Variants in COL5A3 observed in about 807,000 individuals in gnomAD.
The protein encoded by COL5A3 is collagen type V alpha 3 chain, also known as collagen alpha-3(V) chain.
COL5A3 carries 172 observed loss-of-function variants against 250.0 expected under a neutral mutation model. The observed-to-expected ratio is 0.69, with a 90% CI of 0.61 to 0.78. The LOEUF (loss-of-function observed/expected upper bound fraction) is 0.78. Ranked by LOEUF, COL5A3 falls within the 30% of genes least tolerant of loss-of-function variation. The pLI is 0.00. For synonymous variants in COL5A3, 937 were observed against 900.4 expected, an observed-to-expected ratio of 1.04 and a Z score of -0.73; for missense variants, 2,340 against 2,334.4, an observed-to-expected ratio of 1.00 and a Z score of -0.05.
rs1190531204 is a variant in COL5A3, at chr19:9,960,952, A to C, written c.4852-62T>G. ...CCATGAGCCTCTTTCTGCAGAAGCC[A>C]CCCCCTGGAATCTCCATCCACTGGC... On this transcript the variant is annotated intron_variant, in intron 65 of 66. Coordinates refer to ENST00000264828, the MANE Select transcript of COL5A3 (RefSeq NM_015719.4). 7.6e-6 allele frequency: 12 copies of C among 1,570,966 alleles called. No individual in the cohort carries two copies. In the African/African-American group the frequency reaches 8.2e-5, roughly 11 times the overall value.
rs1260471463 is a variant in COL5A3, at chr19:9,977,612, T to G, written c.3108A>C (p.Ala1036=). ...CACTTACCCGGGACCCCTTCTTGCC[T>G]GCAGGGCCAACGGGGCCTTCGCTGC... ...QSGSEGPVGP[A]GKKGSRGERG... The change falls in exon 42 of 67, where the codon GCA becomes GCC. Residue 1036 remains alanine, a synonymous_variant. Transcript: ENST00000264828. 1 of 1,599,460 alleles carries G rather than the reference T, an allele frequency of 6.3e-7. No homozygotes were observed. The highest frequency in any genetic ancestry group is 1.1e-5 in the South Asian group (1 of 88,824).
At chr19:9,996,756 G>A in intron 11 of COL5A3, 67 bp from the exon 12 acceptor site, 1 of 1,276,518 alleles carries the variant, frequency 7.8e-7, no homozygotes, top group Non-Finnish European at 1.1e-6. Context: ...GAGGACAGGG[G>A]AGGCACAGAA....
chr19:9,991,917 G>A (rs151113845), intron 22 of COL5A3, 76 bp from the exon 23 acceptor site: 1 of 1,573,446 alleles, frequency 6.4e-7, no homozygotes, highest in African/African-American at 1.3e-5. Context: ...GACTTGGGGG[G>A]GGTCAGTCAT....
intron 15 of COL5A3, 52 bp from the exon 16 acceptor site, chr19:9,995,669 C>A (rs1471529224): frequency 7.2e-7 from 1 of 1,393,546 alleles, no homozygotes; most frequent in African/African-American, 1.4e-5. Context: ...GAAAGAGGGA[C>A]TTATTCTATT....
intron 41 of COL5A3, 130 bp from the exon 42 acceptor site, chr19:9,977,831 G>T: frequency 6.3e-6 from 4 of 633,654 alleles, no homozygotes; most frequent in Non-Finnish European, 9.5e-6. Context: ...TCCTGCAGCA[G>T]CCAGAGGGTG....
rs2086653865 is a variant in COL5A3, at chr19:9,960,301, C to T, written c.*110G>A. 2 of 1,304,608 alleles carry T rather than the reference C, an allele frequency of 1.5e-6. No individual in the cohort carries two copies. The highest frequency in any genetic ancestry group is 4.8e-5 in the East Asian group (2 of 42,088). 80.8% of individuals were successfully genotyped at this position (1,304,608 alleles called of 1,614,324 possible). On this transcript the variant is annotated 3_prime_UTR_variant, in exon 67 of 67. Coordinates refer to ENST00000264828, the MANE Select transcript of COL5A3 (RefSeq NM_015719.4). The stretch of plus-strand genomic sequence containing the variant: ...TGTCCGTGATGAGCGAAGTCACATC[C>T]CATTGGCTCCATAGTCACAGGTAAC...
intron 10 of COL5A3, 134 bp downstream of exon 10, chr19:9,997,850 C>T (rs2145131148): frequency 6.9e-6 from 6 of 864,582 alleles, no homozygotes; most frequent in Non-Finnish European, 1.1e-5. Context: ...TTTTGACTCA[C>T]CCTTTAAGCC....
chr19:9,960,321 G>A lies in COL5A3; in HGVS notation c.*90C>T. 6.7e-7 allele frequency: 1 copy of A among 1,501,310 alleles called. No homozygotes were observed. Among genetic ancestry groups the A allele is most frequent in the Non-Finnish European group, 9.2e-7 (1 of 1,091,512 alleles). 93.0% of individuals were successfully genotyped at this position (1,501,310 alleles called of 1,614,324 possible). ...ACATCCCATTGGCTCCATAGTCACA[G>A]GTAACGAAAAATACGGTGGCTTCAA... On this transcript the variant is annotated 3_prime_UTR_variant, in exon 67 of 67. Transcript: ENST00000264828.
At chr19:9,976,961 A>G (rs2086930628) in intron 44 of COL5A3, among the ~76,000 whole-genome samples, 1 of 152,074 alleles carries the variant, frequency 6.6e-6, no homozygotes, top group South Asian at 2.1e-4. Context: ...ATGTGTCACT[A>G]ACAATGGAGA....
At chr19:9,979,530 C>T (rs538338317) in intron 37 of COL5A3, 113 bp from the exon 38 acceptor site, 395 of 1,158,316 alleles carry the variant, frequency 3.4e-4, no homozygotes, top group Non-Finnish European at 4.5e-4. Flanking sequence ...TGGCTCACGC[C>T]TGTAATCCCA....
intron 65 of COL5A3, 46 bp from the exon 66 acceptor site, chr19:9,960,936 T>G (rs2086665047): frequency 1.3e-6 from 2 of 1,590,944 alleles, no homozygotes; most frequent in African/African-American, 2.7e-5. Context: ...TCCATGAGCC[T>G]CTTTCTGCAG....
At chr19:9,989,230 A>G in intron 26 of COL5A3, 53 bp from the exon 27 acceptor site, 3 of 1,612,040 alleles carry the variant, frequency 1.9e-6, no homozygotes, top group South Asian at 1.1e-5. Flanking sequence ...CCACATTCTA[A>G]GAGCCCTCAT....
chr19:10,002,975 A>G (rs747418852), intron 6 of COL5A3, among the ~76,000 whole-genome samples: 54 of 152,198 alleles, frequency 3.5e-4, no homozygotes, highest in Non-Finnish European at 1.2e-4. Context: ...AGTAACACCA[A>G]TAATGGTTTC....
At position 9,992,837 on chromosome 19, in the gene COL5A3, G is replaced by A. The variant is rs1388251815; in HGVS notation, c.1838C>T (p.Thr613Met). The change falls in exon 21 of 67, where the codon ACG (threonine) becomes ATG (methionine). Residue 613 changes from threonine (T) to methionine (M), a missense_variant. Physicochemically the swap from Thr to Met is moderately conservative, Grantham distance 81. This residue lies in a region of COL5A3 where 1,152 missense variants were observed against 1,146.3 expected (regional missense o/e 1.00). Transcript: ENST00000264828. Reference sequence around the variant, plus strand: ...GCCAGTGACACTCACCGGGCGACCCGTGGGGCCAGGAGAGCCTCTGGGGCC... The same window carrying A: ...GCCAGTGACACTCACCGGGCGACCCATGGGGCCAGGAGAGCCTCTGGGGCC... Reference protein sequence around the residue: ...LLGPRGSPGPTGRPGVTGIDG... With the variant: ...LLGPRGSPGPMGRPGVTGIDG... 5 of 1,613,904 alleles carry A rather than the reference G, an allele frequency of 3.1e-6. No individual in the cohort carries two copies. Among genetic ancestry groups the A allele is most frequent in the East Asian group, 2.2e-5 (1 of 44,896 alleles).
chr19:9,987,210 A>G (rs539609680), intron 27 of COL5A3, among the ~76,000 whole-genome samples: 2 of 152,242 alleles, frequency 1.3e-5, no homozygotes, highest in African/African-American at 4.8e-5. Context: ...AACTCTGAAA[A>G]CTGCACTTGG....
At position 10,009,984 on chromosome 19, in the gene COL5A3, C is replaced by A. The variant is rs548341456; in HGVS notation, c.88+314G>T. On this transcript the variant is annotated intron_variant, in intron 1 of 66. Transcript: ENST00000264828. The surrounding 1 kb of genome is among the most constrained non-coding windows in gnomAD (Gnocchi z 4.4). ...CACACTATCACCATCAACCTCCACA[C>A]GCAAGCACATACGCAACTTCACTCC... is the stretch of plus-strand genomic sequence containing the variant. Among the ~76,000 whole-genome samples the A allele has an allele frequency of 6.6e-6, 1 of 152,270 alleles. No homozygotes were observed. The highest frequency in any genetic ancestry group is 1.9e-4 in the East Asian group (1 of 5,176).
Position 9,980,052 on chromosome 19 carries a change from A to G in COL5A3, c.2605-5T>C, listed in dbSNP as rs756143837. On this transcript the variant is annotated splice_region_variant and splice_polypyrimidine_tract_variant and intron_variant, in intron 35 of 66. Transcript: ENST00000264828. ...GCCTTGCAGACCAGGGAGGCCCTGA[A>G]ATGGAAACAGAAATCATGATCTCAT... The G allele has an allele frequency of 8.8e-6, 14 of 1,595,056 alleles. No homozygotes were observed. The Admixed American group carries it at 2.6e-4, about 30-fold the overall frequency.
rs57642882 is a variant in COL5A3, at chr19:9,994,559, C to CATATATATAT, written c.1588-763_1588-754dup. On this transcript the variant is annotated intron_variant, in intron 16 of 66. Coordinates refer to ENST00000264828, the MANE Select transcript of COL5A3 (RefSeq NM_015719.4). ...AGGCTGGAGTTACATATATGTTTTA[C>CATATATATAT]ATATATATATATATATATATATATA... is the stretch of plus-strand genomic sequence containing the variant. Among the ~76,000 whole-genome samples the CATATATATAT allele has an allele frequency of 7.9e-4, 56 of 70,700 alleles. 3 individuals carry two copies. Among genetic ancestry groups the CATATATATAT allele is most frequent in the Non-Finnish European group, 1.3e-3 (40 of 30,288 alleles). The allele number at this position is 70,700 out of a possible 152,430, so 46.4% of individuals were successfully genotyped here. A position where few individuals can be genotyped will look rare whatever the true frequency, so the allele number is the denominator to read the frequency against.
intron 26 of COL5A3, 58 bp downstream of exon 26, chr19:9,989,264 T>A: frequency 6.2e-7 from 1 of 1,611,516 alleles, no homozygotes; most frequent in Non-Finnish European, 8.5e-7. Flanking sequence ...GGCCCCTGAC[T>A]GCAGGCCCTG....
Sources: allele counts gnomAD v4.1 joint callset (sites outside exome capture counted in the v4.1 genomes callset), GRCh38; gene constraint gnomAD v4.1.1; regional missense constraint gnomAD v4.1.1; non-coding constraint Gnocchi (gnomAD v3.1); transcripts MANE v1.5; gene names NCBI Gene and HGNC (gene_info 2026-07-23, HGNC 2026-07-21).